GRB2: variants seen among roughly 807,000 people sequenced by gnomAD.
GRB2 encodes growth factor receptor bound protein 2.
GRB2 carries 2 observed loss-of-function variants against 27.4 expected under a neutral mutation model. That is an observed-to-expected ratio of 0.07 (90% confidence interval 0.03 to 0.23). GRB2 has a LOEUF of 0.23. GRB2 is among the 10% of genes least tolerant of loss of function. The pLI is 1.00. For missense variants in GRB2, 102 were observed against 282.4 expected, an observed-to-expected ratio of 0.36 and a Z score of 4.58; for synonymous variants, 94 against 99.6, an observed-to-expected ratio of 0.94 and a Z score of 0.33.
intron 2 of GRB2, among the ~76,000 whole-genome samples, chr17:75,387,991 A>G (rs2078975621): frequency 6.6e-6 from 1 of 152,202 alleles, no homozygotes; most frequent in Non-Finnish European, 1.5e-5. Context: ...GTTCATTCTC[A>G]GCACCTATTT....
At chr17:75,387,911 C>A (rs1313532920) in intron 2 of GRB2, 1 of 152,138 alleles carries the variant, frequency 6.6e-6, no homozygotes, top group Non-Finnish European at 1.5e-5. Flanking sequence ...TTACTCATTT[C>A]TTTCTCCAAA....
chr17:75,322,327 G>A (rs1353488946), intron 4 of GRB2, among the ~76,000 whole-genome samples: 2 of 149,350 alleles, frequency 1.3e-5, no homozygotes, highest in East Asian at 3.9e-4. Flanking sequence ...AGCTGAGATC[G>A]CGCCATTGCA....
chr17:75,334,404 C>T (rs1187422189), intron 2 of GRB2, among the ~76,000 whole-genome samples: 13 of 152,010 alleles, frequency 8.6e-5, no homozygotes, highest in Admixed American at 8.5e-4. Flanking sequence ...ATCTCCTGAC[C>T]TTGTGATCCA....
At chr17:75,354,653 G>C (rs1419645965) in intron 2 of GRB2, among the ~76,000 whole-genome samples, 1 of 152,152 alleles carries the variant, frequency 6.6e-6, no homozygotes, top group East Asian at 1.9e-4. Flanking sequence ...GTAGCAAAAA[G>C]GTTGGGGACT....
chr17:75,328,946 A>T (rs1170683435), intron 3 of GRB2, among the ~76,000 whole-genome samples: 1 of 147,456 alleles, frequency 6.8e-6, no homozygotes, highest in African/African-American at 2.6e-5. Flanking sequence ...TCAAAAAATA[A>T]ATAAATAAAT....
At chr17:75,364,967 G>A (rs2078810025) in intron 2 of GRB2, among the ~76,000 whole-genome samples, 1 of 152,134 alleles carries the variant, frequency 6.6e-6, no homozygotes, top group South Asian at 2.1e-4. Flanking sequence ...AGAAGACAGA[G>A]CAGTCTGAAA....
intron 2 of GRB2, among the ~76,000 whole-genome samples, chr17:75,382,347 A>G (rs961258445): frequency 2.6e-5 from 4 of 152,248 alleles, no homozygotes; most frequent in Non-Finnish European, 5.9e-5. Context: ...CGAAGAAAAA[A>G]ACTTTCACTA....
chr17:75,350,443 G>A (rs2078683614), intron 2 of GRB2, among the ~76,000 whole-genome samples: 1 of 152,140 alleles, frequency 6.6e-6, no homozygotes, highest in African/African-American at 2.4e-5. Flanking sequence ...TGGGGAGACC[G>A]AATCTAATCA....
At chr17:75,396,291 C>T (rs564037716) in intron 1 of GRB2, among the ~76,000 whole-genome samples, 4 of 149,592 alleles carry the variant, frequency 2.7e-5, no homozygotes, top group African/African-American at 7.4e-5. Flanking sequence ...TGTCCAGGCA[C>T]GAGTGCAGTG....
chr17:75,393,737 TC>T lies in GRB2; in HGVS notation c.-110del. ...GCCTCGCCTCTCTTCTGGGACTCGC[TC>T]CGGCACTCTGGGACACACAATGCCA... On this transcript the variant is annotated 5_prime_UTR_variant, in exon 2 of 6. Coordinates refer to ENST00000316804, the MANE Select transcript of GRB2 (RefSeq NM_002086.5). The T allele has an allele frequency of 1.2e-6, 1 of 804,060 alleles. No individual in the cohort carries two copies. The highest frequency in any genetic ancestry group is 2.1e-6 in the Non-Finnish European group (1 of 471,874). 49.8% of individuals were successfully genotyped at this position (804,060 alleles called of 1,614,324 possible).
chr17:75,377,869 T>C lies in GRB2; in HGVS notation c.78+15682A>G, dbSNP rs549105244. ...TTGCAGTGAGCCAAGATCATGACACTACACTCTAGCCTGGGCAAGAGAGTA... is the reference window on the plus strand; with the variant it reads ...TTGCAGTGAGCCAAGATCATGACACCACACTCTAGCCTGGGCAAGAGAGTA... On this transcript the variant is annotated intron_variant, in intron 2 of 5. Transcript: ENST00000316804. Among the ~76,000 whole-genome samples the C allele has an allele frequency of 4.8e-4, 73 of 152,194 alleles. 1 individual carries two copies. Among genetic ancestry groups the C allele is most frequent in the African/African-American group, 1.7e-3 (71 of 41,516 alleles).
chr17:75,378,816 C>A (rs1465497612), intron 2 of GRB2, among the ~76,000 whole-genome samples: 2 of 152,316 alleles, frequency 1.3e-5, no homozygotes, highest in Middle Eastern at 3.4e-3. Context: ...GTTCTCACTT[C>A]TAGCATTAAA....
In GRB2 at chr17:75,351,040, T is replaced by C. The variant is rs544139722; in HGVS notation, c.79-18243A>G. ...TGCTCATTAGGATGATGGTTCTGGC[T>C]TGTGTGTGGCACACGGCTCTGAGGG... is the stretch of plus-strand genomic sequence containing the variant. On this transcript the variant is annotated intron_variant, in intron 2 of 5. Coordinates refer to ENST00000316804, the MANE Select transcript of GRB2 (RefSeq NM_002086.5). Among the ~76,000 whole-genome samples the C allele has an allele frequency of 7.2e-5, 11 of 151,960 alleles. No individual in the cohort carries two copies. The South Asian group carries it at 2.3e-3, about 32-fold the overall frequency.
At chr17:75,343,063 A>AAAAAAAAG (rs1567861729) in intron 2 of GRB2, among the ~76,000 whole-genome samples, 2 of 141,262 alleles carry the variant, frequency 1.4e-5, no homozygotes, top group African/African-American at 2.6e-5. Flanking sequence ...AAAAAAAAAA[A>AAAAAAAAG]GGTATAAGAT....
intron 1 of GRB2, among the ~76,000 whole-genome samples, chr17:75,403,406 G>C (rs2079076948): frequency 6.6e-6 from 1 of 152,068 alleles, no homozygotes; most frequent in Admixed American, 6.6e-5. Flanking sequence ...CCATCAACCA[G>C]TAGTATTTAA....
chr17:75,347,325 T>A (rs1020869275), intron 2 of GRB2, among the ~76,000 whole-genome samples: 2 of 152,172 alleles, frequency 1.3e-5, no homozygotes, highest in Non-Finnish European at 2.9e-5. Flanking sequence ...CATCTTCCCA[T>A]TTGGTAGGCT....
At chr17:75,374,181 G>A (rs948388958) in intron 2 of GRB2, among the ~76,000 whole-genome samples, 8 of 151,710 alleles carry the variant, frequency 5.3e-5, no homozygotes, top group African/African-American at 1.2e-4. Flanking sequence ...CGAGGCAGGC[G>A]GATCATCTGA....
intron 2 of GRB2, among the ~76,000 whole-genome samples, chr17:75,336,156 C>T (rs1228781589): frequency 1.3e-5 from 2 of 152,154 alleles, no homozygotes; most frequent in Non-Finnish European, 2.9e-5. Flanking sequence ...TAATAATGAC[C>T]TTATAAAGCA....
chr17:75,351,889 G>A (rs1221155495), intron 2 of GRB2, among the ~76,000 whole-genome samples: 1 of 152,134 alleles, frequency 6.6e-6, no homozygotes, highest in African/African-American at 2.4e-5. Context: ...AGTACACTCT[G>A]ACACATTTTA....
Sources: gnomAD v4.1 joint callset for allele counts (sites outside exome capture counted in the v4.1 genomes callset) on GRCh38, gnomAD v4.1.1 for gene constraint, MANE v1.5 for transcripts, NCBI Gene and HGNC (gene_info 2026-07-23, HGNC 2026-07-21) for gene names.